The following DPYSL2 variants were observed in gnomAD, a reference collection of about 807,000 sequenced individuals.
DPYSL2 encodes dihydropyrimidinase like 2, also known as dihydropyrimidinase-related protein 2.
DPYSL2 carries 13 observed loss-of-function variants against 69.9 expected under a neutral mutation model. The ratio of observed to expected loss-of-function variants is 0.19; its 90% CI spans 0.12 to 0.30. The LOEUF (loss-of-function observed/expected upper bound fraction) is 0.30, where lower values mean the gene tolerates loss of function less well. Among genes scored for constraint, DPYSL2 ranks in the 10% least tolerant of loss-of-function variants. The pLI is 1.00. For missense variants in DPYSL2, 587 were observed against 918.9 expected, an observed-to-expected ratio of 0.64 and a Z score of 4.67; for synonymous variants, 326 against 359.1, an observed-to-expected ratio of 0.91 and a Z score of 1.04.
intron 1 of DPYSL2, among the ~76,000 whole-genome samples, chr8:26,515,956 T>TA (rs377543223): frequency 4.6e-5 from 7 of 152,362 alleles, no homozygotes; most frequent in Non-Finnish European, 8.8e-5. Flanking sequence ...TTTGTGTACT[T>TA]ACAGTGACAG....
intron 8 of DPYSL2, among the ~76,000 whole-genome samples, chr8:26,636,907 A>C (rs1460938078): frequency 1.3e-5 from 2 of 151,672 alleles, no homozygotes; most frequent in African/African-American, 4.9e-5. Context: ...ACACCCATCT[A>C]ATTTTTATAT....
intron 1 of DPYSL2, among the ~76,000 whole-genome samples, chr8:26,528,403 C>G (rs1808516690): frequency 1.3e-5 from 2 of 152,114 alleles, no homozygotes; most frequent in Non-Finnish European, 2.9e-5. Flanking sequence ...AATCCCAGCA[C>G]TTTTGGAGGC....
At position 26,610,305 on chromosome 8, in the gene DPYSL2, G is replaced by A. The variant is rs1019563280; in HGVS notation, c.629-13838G>A. Among the ~76,000 whole-genome samples, 3 of 152,218 alleles carry A rather than the reference G, an allele frequency of 2.0e-5. No individual in the cohort carries two copies. The highest frequency in any genetic ancestry group is 7.2e-5 in the African/African-American group (3 of 41,458). The stretch of plus-strand genomic sequence containing the variant: ...AATTGATTTGTTCCTGATACATTCT[G>A]TTGGGATACAGTCCATTTGATAGGA... On this transcript the variant is annotated intron_variant, in intron 3 of 13. Coordinates refer to ENST00000521913, the MANE Select transcript of DPYSL2 (RefSeq NM_001197293.3). The surrounding 1 kb of genome is among the most constrained non-coding windows in gnomAD (Gnocchi z 4.5).
intron 1 of DPYSL2, among the ~76,000 whole-genome samples, chr8:26,530,671 C>G (rs1174371537): frequency 1.3e-5 from 2 of 152,170 alleles, no homozygotes; most frequent in Non-Finnish European, 2.9e-5. Flanking sequence ...GGAAACCGTT[C>G]CGATGCTGTT....
chr8:26,629,759 A>T lies in DPYSL2; in HGVS notation c.1005+1819A>T, dbSNP rs183301780. ...GGCTGATTTTATTTTATTTTATTTT[A>T]TTTTTTTTCCTTTTTCTGGAGAACG... On this transcript the variant is annotated intron_variant, in intron 7 of 13. Coordinates refer to ENST00000521913, the MANE Select transcript of DPYSL2 (RefSeq NM_001197293.3). 5.9e-3 allele frequency among the ~76,000 whole-genome samples: 902 copies of T among 151,774 alleles called. 5 individuals are homozygous for T. The highest frequency in any genetic ancestry group is 9.3e-3 in the African/African-American group (386 of 41,316).
In DPYSL2 at chr8:26,585,139, AC is replaced by A. The variant is rs1801572296; in HGVS notation, c.628+1157del. ...AGATTGCATCCAAGAGTGACAGTCA[AC>A]GTGGAGTCTGTCATATATGAAAAGA... On this transcript the variant is annotated intron_variant, in intron 3 of 13. Coordinates refer to ENST00000521913, the MANE Select transcript of DPYSL2 (RefSeq NM_001197293.3). The surrounding 1 kb of genome is among the most constrained non-coding windows in gnomAD (Gnocchi z 4.0). Among the ~76,000 whole-genome samples the A allele has an allele frequency of 6.6e-6, 1 of 152,230 alleles. No homozygotes were observed. Among genetic ancestry groups the A allele is most frequent in the African/African-American group, 2.4e-5 (1 of 41,470 alleles).
chr8:26,537,611 T>TACACACACACACACGCAC, intron 1 of DPYSL2, among the ~76,000 whole-genome samples: 1 of 147,654 alleles, frequency 6.8e-6, no homozygotes, highest in Non-Finnish European at 1.5e-5. Context: ...ATTCTCTCTC[T>TACACACACACACACGCAC]ACACACACAC....
At chr8:26,567,292 T>TCCATCCATCCATCCATCCAC (rs1193047692) in intron 1 of DPYSL2, among the ~76,000 whole-genome samples, 1 of 150,088 alleles carries the variant, frequency 6.7e-6, no homozygotes, top group African/African-American at 2.5e-5. Flanking sequence ...CATCCATCCA[T>TCCATCCATCCATCCATCCAC]CCACCCACCA....
At chr8:26,630,035 A>T (rs1802727654) in intron 7 of DPYSL2, among the ~76,000 whole-genome samples, 1 of 152,208 alleles carries the variant, frequency 6.6e-6, no homozygotes, top group East Asian at 1.9e-4. Flanking sequence ...ACACAGACAC[A>T]TTTTAGCATA....
chr8:26,568,302 G>A (rs1265563072), intron 1 of DPYSL2, among the ~76,000 whole-genome samples: 1 of 152,178 alleles, frequency 6.6e-6, no homozygotes, highest in Non-Finnish European at 1.5e-5. Flanking sequence ...TAAAGCATTG[G>A]TAAAGCATCA....
chr8:26,655,363 G>A (rs543062861), intron 13 of DPYSL2, among the ~76,000 whole-genome samples: 2 of 152,212 alleles, frequency 1.3e-5, no homozygotes, highest in South Asian at 4.1e-4. Context: ...AGGTATGGGG[G>A]CCTGTGGCTG....
intron 1 of DPYSL2, among the ~76,000 whole-genome samples, chr8:26,524,177 A>G (rs1238700613): frequency 6.6e-6 from 1 of 152,160 alleles, no homozygotes; most frequent in Admixed American, 6.6e-5. Context: ...CCTCGCCTAT[A>G]CTTATTTTTT....
chr8:26,559,315 A>G (rs192630428), intron 1 of DPYSL2, among the ~76,000 whole-genome samples: 1 of 152,338 alleles, frequency 6.6e-6, no homozygotes, highest in African/African-American at 2.4e-5. Flanking sequence ...CTTACAATAA[A>G]TTTATAGAAA....
At position 26,568,861 on chromosome 8, in the gene DPYSL2, C is replaced by T. The variant is rs996333943; in HGVS notation, c.355-13108C>T. Among the ~76,000 whole-genome samples, 12 of 152,122 alleles carry T rather than the reference C, an allele frequency of 7.9e-5. No individual in the cohort carries two copies. In the South Asian group the frequency reaches 1.9e-3, roughly 24 times the overall value. On this transcript the variant is annotated intron_variant, in intron 1 of 13. Coordinates refer to ENST00000521913, the MANE Select transcript of DPYSL2 (RefSeq NM_001197293.3). ...CTGTGGTGAGTACAAGCCTGAAGTG[C>T]GGGATTGAAAAGAGGAACCCGGCTG...
chr8:26,564,273 T>C lies in DPYSL2; in HGVS notation c.355-17696T>C, dbSNP rs1241261728. On this transcript the variant is annotated intron_variant, in intron 1 of 13. Coordinates refer to ENST00000521913, the MANE Select transcript of DPYSL2 (RefSeq NM_001197293.3). This position sits in a 1 kb window ranked among gnomAD's most constrained non-coding sequence, Gnocchi z 4.8. ...CAAATGGGAGTGGAAGTTGAGGAAGTGGAGGCCAGGAGTGTACGCTACCCA... is the reference window on the plus strand; with the variant it reads ...CAAATGGGAGTGGAAGTTGAGGAAGCGGAGGCCAGGAGTGTACGCTACCCA... Among the ~76,000 whole-genome samples, 1 of 151,856 alleles carries C rather than the reference T, an allele frequency of 6.6e-6. No individual in the cohort carries two copies. Among genetic ancestry groups the C allele is most frequent in the African/African-American group, 2.4e-5 (1 of 41,306 alleles).
At chr8:26,604,646 G>A (rs895605172) in intron 3 of DPYSL2, among the ~76,000 whole-genome samples, 9 of 151,732 alleles carry the variant, frequency 5.9e-5, no homozygotes, top group African/African-American at 1.9e-4. Context: ...CCTACTCCCT[G>A]TCAAGTCTTG....
Position 26,626,715 on chromosome 8 carries a change from A to G in DPYSL2, c.855+37A>G, listed in dbSNP as rs1394616148. On this transcript the variant is annotated intron_variant, in intron 5 of 13. Transcript: ENST00000521913. The surrounding 1 kb of genome is among the most constrained non-coding windows in gnomAD (Gnocchi z 4.3). ...GGCTTTTCGGAAGAGGCACCCTGAC[A>G]TTTGGTACCTTCAGGCTGTGGCCGT... The G allele has an allele frequency of 6.2e-7, 1 of 1,606,584 alleles. No individual in the cohort carries two copies.
chr8:26,518,705 G>T (rs994692703), intron 1 of DPYSL2, among the ~76,000 whole-genome samples: 3 of 152,136 alleles, frequency 2.0e-5, no homozygotes, highest in Admixed American at 6.5e-5. Flanking sequence ...CACCGTTTAT[G>T]TTCTTTGCGA....
chr8:26,579,891 G>GAA lies in DPYSL2; in HGVS notation c.355-2070_355-2069dup, dbSNP rs11427312. 1.4e-3 allele frequency among the ~76,000 whole-genome samples: 204 copies of GAA among 140,906 alleles called. 1 individual carries two copies. The highest frequency in any genetic ancestry group is 5.1e-3 in the African/African-American group (186 of 36,770). 92.4% of individuals were successfully genotyped at this position (140,906 alleles called of 152,430 possible). ...CAGCTTCATTTTGACAGTGTGGGGAGAAAAAAAAATTAAAAGCAAACGATC... is the reference window on the plus strand; with the variant it reads ...CAGCTTCATTTTGACAGTGTGGGGAGAAAAAAAAAAATTAAAAGCAAACGATC... On this transcript the variant is annotated intron_variant, in intron 1 of 13. Transcript: ENST00000521913.
Sources: gnomAD v4.1 joint callset for allele counts (sites outside exome capture counted in the v4.1 genomes callset) on GRCh38, gnomAD v4.1.1 for gene constraint, Gnocchi (gnomAD v3.1) non-coding constraint, MANE v1.5 for transcripts, NCBI Gene and HGNC (gene_info 2026-07-23, HGNC 2026-07-21) for gene names.